WWOX: variants seen among roughly 807,000 people sequenced by gnomAD.
WWOX encodes the protein WW domain-containing oxidoreductase.
Under a neutral mutation model 46.2 loss-of-function variants are expected in WWOX, and 69 were observed. The observed-to-expected ratio is 1.49, with a 90% CI of 1.23 to 1.82. The LOEUF (loss-of-function observed/expected upper bound fraction) is 1.82. WWOX is among the 40% of genes most tolerant of loss of function. The probability of loss-of-function intolerance (pLI) is 0.00; values close to 1 mark genes in which losing one functional copy is unlikely to be tolerated. For synonymous variants in WWOX, 359 were observed against 202.6 expected, an observed-to-expected ratio of 1.77 and a Z score of -6.56; for missense variants, 919 against 542.6, an observed-to-expected ratio of 1.69 and a Z score of -6.89.
chr16:78,967,800 G>T (rs1449633334), intron 8 of WWOX, among the ~76,000 whole-genome samples: 3 of 152,052 alleles, frequency 2.0e-5, no homozygotes, highest in Non-Finnish European at 1.5e-5. Context: ...TTTGGGGTGT[G>T]TAAGAGTAGG....
chr16:78,555,865 C>CA (rs1567641541), intron 8 of WWOX, among the ~76,000 whole-genome samples: 1 of 152,108 alleles, frequency 6.6e-6, no homozygotes, highest in African/African-American at 2.4e-5. Context: ...AATGTTATCA[C>CA]AATCTCTGCA....
intron 8 of WWOX, among the ~76,000 whole-genome samples, chr16:79,132,544 C>A (rs191642711): frequency 6.6e-6 from 1 of 152,260 alleles, no homozygotes; most frequent in East Asian, 1.9e-4. Context: ...GAGTTTGTTT[C>A]TTGATCTCGA....
chr16:78,867,594 G>A (rs1459667334), intron 8 of WWOX, among the ~76,000 whole-genome samples: 1 of 151,780 alleles, frequency 6.6e-6, no homozygotes, highest in South Asian at 2.1e-4. Context: ...AGGCTGGAGT[G>A]CCTTGGTGCA....
At chr16:79,190,081 G>A (rs2051103585) in intron 8 of WWOX, among the ~76,000 whole-genome samples, 3 of 152,108 alleles carry the variant, frequency 2.0e-5, no homozygotes, top group Non-Finnish European at 2.9e-5. Flanking sequence ...GCCCAGGGCG[G>A]CGGTGTGATC....
At chr16:78,205,836 C>T (rs1421118151) in intron 5 of WWOX, among the ~76,000 whole-genome samples, 1 of 151,720 alleles carries the variant, frequency 6.6e-6, no homozygotes, top group African/African-American at 2.4e-5. Flanking sequence ...TACCTTCCTT[C>T]CTTCCTTCCG....
chr16:78,937,710 C>T lies in WWOX; in HGVS notation c.1057-273898C>T, dbSNP rs1005775762. Among the ~76,000 whole-genome samples, 19 of 151,794 alleles carry T rather than the reference C, an allele frequency of 1.3e-4. 1 individual carries two copies. The highest frequency in any genetic ancestry group is 3.9e-4 in the Admixed American group (6 of 15,230). On this transcript the variant is annotated intron_variant, in intron 8 of 8. Coordinates refer to ENST00000566780, the MANE Select transcript of WWOX (RefSeq NM_016373.4). ...CATGACCTCGGCTTACTGCAACCTC[C>T]GCCTCCTGGGTTGAAGCGATTCTCC...
At chr16:79,167,195 G>A (rs546112125) in intron 8 of WWOX, among the ~76,000 whole-genome samples, 6 of 152,186 alleles carry the variant, frequency 3.9e-5, no homozygotes, top group African/African-American at 1.4e-4. Context: ...ACCCACCTCG[G>A]CCTCCCAAAA....
chr16:78,353,485 C>T (rs1296151659), intron 5 of WWOX, among the ~76,000 whole-genome samples: 2 of 152,186 alleles, frequency 1.3e-5, no homozygotes, highest in African/African-American at 2.4e-5. Context: ...ATGTTCAATA[C>T]GTAGCACCTT....
intron 8 of WWOX, among the ~76,000 whole-genome samples, chr16:79,022,365 A>T (rs1403693372): frequency 9.9e-5 from 15 of 151,498 alleles, no homozygotes; most frequent in Non-Finnish European, 1.9e-4. Context: ...AAAAAAAAAA[A>T]AGTCCCGCTT....
At chr16:78,266,609 G>C (rs1047109260) in intron 5 of WWOX, among the ~76,000 whole-genome samples, 1 of 152,142 alleles carries the variant, frequency 6.6e-6, no homozygotes, top group Non-Finnish European at 1.5e-5. Flanking sequence ...TACCTGTAGG[G>C]ATGTAGGTGA....
chr16:78,907,104 C>T (rs1468418798), intron 8 of WWOX, among the ~76,000 whole-genome samples: 2 of 152,028 alleles, frequency 1.3e-5, no homozygotes, highest in African/African-American at 4.8e-5. Context: ...AATCAGCTTT[C>T]CTGAAAATTC....
chr16:79,175,535 C>A lies in WWOX; in HGVS notation c.1057-36073C>A, dbSNP rs145539540. ...ATTACTAGGTAGATTTCTCACTTGTCCTTGTTTTGATCTTCATTCCTGGGT... is the reference window on the plus strand; with the variant it reads ...ATTACTAGGTAGATTTCTCACTTGTACTTGTTTTGATCTTCATTCCTGGGT... On this transcript the variant is annotated intron_variant, in intron 8 of 8. Coordinates refer to ENST00000566780, the MANE Select transcript of WWOX (RefSeq NM_016373.4). Among the ~76,000 whole-genome samples the A allele has an allele frequency of 6.5e-4, 99 of 152,210 alleles. 1 individual carries two copies. The highest frequency in any genetic ancestry group is 2.4e-3 in the African/African-American group (98 of 41,516).
intron 8 of WWOX, among the ~76,000 whole-genome samples, chr16:79,061,131 C>G (rs1421018835): frequency 6.6e-6 from 1 of 152,164 alleles, no homozygotes; most frequent in Non-Finnish European, 1.5e-5. Context: ...CTCACAGTCT[C>G]TCAATCCTTT....
intron 8 of WWOX, among the ~76,000 whole-genome samples, chr16:78,570,690 G>C (rs1392885291): frequency 6.6e-6 from 1 of 152,084 alleles, no homozygotes; most frequent in Non-Finnish European, 1.5e-5. Flanking sequence ...GTGAACCCCA[G>C]ACAAGCCAGG....
chr16:78,866,489 C>T (rs1021447624), intron 8 of WWOX, among the ~76,000 whole-genome samples: 1 of 151,962 alleles, frequency 6.6e-6, no homozygotes, highest in African/African-American at 2.4e-5. Context: ...TTCCTCTGTC[C>T]TTCAGGTTAG....
At chr16:79,094,540 C>T (rs765009697) in intron 8 of WWOX, among the ~76,000 whole-genome samples, 2 of 152,184 alleles carry the variant, frequency 1.3e-5, no homozygotes, top group Non-Finnish European at 2.9e-5. Context: ...GTGTGAGCCA[C>T]CGCACCAGGC....
intron 8 of WWOX, among the ~76,000 whole-genome samples, chr16:78,744,099 T>C (rs777980993): frequency 4.6e-5 from 7 of 152,160 alleles, no homozygotes; most frequent in Non-Finnish European, 7.4e-5. Context: ...ATGAAGAGTA[T>C]TGGGGTACAC....
chr16:78,330,314 A>G (rs2080725088), intron 5 of WWOX, among the ~76,000 whole-genome samples: 1 of 152,230 alleles, frequency 6.6e-6, no homozygotes, highest in African/African-American at 2.4e-5. Flanking sequence ...CACAAATTAA[A>G]GAAAATTAAT....
intron 8 of WWOX, among the ~76,000 whole-genome samples, chr16:78,587,032 G>A (rs1049274730): frequency 2.0e-5 from 3 of 151,860 alleles, no homozygotes; most frequent in Non-Finnish European, 4.4e-5. Flanking sequence ...TTTAGTTAGT[G>A]TTCCTTTTTT....
Sources: allele counts gnomAD v4.1 joint callset (sites outside exome capture counted in the v4.1 genomes callset), GRCh38; gene constraint gnomAD v4.1.1; transcripts MANE v1.5; gene names NCBI Gene and HGNC (gene_info 2026-07-23, HGNC 2026-07-21).